CHIC2: variants seen among roughly 807,000 people sequenced by gnomAD.
CHIC2 encodes the protein cysteine-rich hydrophobic domain-containing protein 2.
In CHIC2, 14 loss-of-function variants were observed where a neutral mutation model predicts 25.9. The ratio of observed to expected loss-of-function variants is 0.54; its 90% confidence interval spans 0.36 to 0.85. CHIC2 has a LOEUF of 0.85. Among genes scored for constraint, CHIC2 ranks in the 40% least tolerant of loss-of-function variants. CHIC2 has a pLI of 0.01. For synonymous variants in CHIC2, 70 were observed against 72.0 expected, an observed-to-expected ratio of 0.97 and a Z score of 0.14; for missense variants, 146 against 202.0, an observed-to-expected ratio of 0.72 and a Z score of 1.68.
chr4:54,061,217 T>G (rs1256736346), intron 1 of CHIC2: 1 of 152,172 alleles, frequency 6.6e-6, no homozygotes, highest in Non-Finnish European at 1.5e-5. Flanking sequence ...AAAATCTGAT[T>G]ATGCCTAGAG....
In CHIC2 at chr4:54,022,973, G is replaced by A. The variant is rs184474018; in HGVS notation, c.331-8854C>T. Among the ~76,000 whole-genome samples the A allele has an allele frequency of 5.3e-5, 8 of 152,178 alleles. No individual in the cohort carries two copies. The East Asian group carries it at 1.5e-3, about 29-fold the overall frequency. On this transcript the variant is annotated intron_variant, in intron 3 of 5. Transcript: ENST00000263921. ...CTTAGCAACCAAATTGTCTTGCCTA[G>A]CCACCCTGTGGTGCCAAACCCATAT...
intron 3 of CHIC2, among the ~76,000 whole-genome samples, chr4:54,029,777 T>C (rs1052715556): frequency 8.5e-5 from 13 of 152,228 alleles, no homozygotes; most frequent in Non-Finnish European, 2.9e-5. Flanking sequence ...TAATTTTTAA[T>C]ACATCGGTAT....
rs779220467 is a variant in CHIC2 at position 54,010,157 on chromosome 4, G to T, written c.448-12C>A. 7 of 1,587,406 alleles carry T rather than the reference G, an allele frequency of 4.4e-6. No homozygotes were observed. Among genetic ancestry groups the T allele is most frequent in the Non-Finnish European group, 3.4e-6 (4 of 1,162,444 alleles). On this transcript the variant is annotated splice_polypyrimidine_tract_variant and intron_variant, in intron 5 of 5. Transcript: ENST00000263921. ...TCTATGAGGATGACCTGTAAAAGGAGAAGAAAAAGGTTTTAAAAGATTTAA... is the reference window on the plus strand; with the variant it reads ...TCTATGAGGATGACCTGTAAAAGGATAAGAAAAAGGTTTTAAAAGATTTAA...
chr4:54,026,564 T>G (rs1343476452), intron 3 of CHIC2, among the ~76,000 whole-genome samples: 1 of 152,134 alleles, frequency 6.6e-6, no homozygotes, highest in Non-Finnish European at 1.5e-5. Context: ...TTTACAGATA[T>G]GTTATGGATA....
intron 3 of CHIC2, among the ~76,000 whole-genome samples, chr4:54,045,645 T>C (rs1156280504): frequency 2.0e-5 from 3 of 151,980 alleles, no homozygotes; most frequent in Non-Finnish European, 4.4e-5. Flanking sequence ...TGATGGGACA[T>C]ATCTCAAAAT....
chr4:54,048,754 AATATAAT>A, intron 3 of CHIC2, 194 bp downstream of exon 3: 1 of 405,290 alleles, frequency 2.5e-6, no homozygotes, highest in Non-Finnish European at 4.3e-6. Flanking sequence ...TAAAATTATA[AATATAAT>A]TTTTAGATGG....
chr4:54,030,122 G>C (rs1173669308), intron 3 of CHIC2, among the ~76,000 whole-genome samples: 2 of 151,976 alleles, frequency 1.3e-5, no homozygotes, highest in African/African-American at 2.4e-5. Context: ...CTTTACATGA[G>C]AGAAATACAG....
At chr4:54,051,695 T>C (rs980412471) in intron 1 of CHIC2, among the ~76,000 whole-genome samples, 27 of 152,124 alleles carry the variant, frequency 1.8e-4, no homozygotes, top group Admixed American at 1.6e-3. Context: ...TACTTCTGAG[T>C]GCATCTCCTC....
chr4:54,060,646 C>T (rs1241695665), intron 1 of CHIC2: 1 of 152,056 alleles, frequency 6.6e-6, no homozygotes, highest in Admixed American at 6.6e-5. Context: ...TTAGAGTTAC[C>T]ACTGTGAAAA....
At chr4:54,044,678 A>T (rs1261521380) in intron 3 of CHIC2, among the ~76,000 whole-genome samples, 1 of 151,106 alleles carries the variant, frequency 6.6e-6, no homozygotes. Context: ...AGCACTAAAT[A>T]CCCACAAGAG....
At chr4:54,064,732 G>A, upstream of CHIC2, 1 of 869,824 alleles carries the variant, frequency 1.1e-6, no homozygotes, top group Non-Finnish European at 1.4e-6. The surrounding 1 kb of genome is among the most constrained non-coding windows in gnomAD (Gnocchi z 4.2). Context: ...CGGGCGGGCG[G>A]GCGCGCGCAC....
intron 3 of CHIC2, among the ~76,000 whole-genome samples, chr4:54,028,192 A>G (rs935011305): frequency 2.0e-5 from 3 of 152,210 alleles, no homozygotes; most frequent in African/African-American, 7.2e-5. Context: ...CAACTGGACA[A>G]ATTAGGTAAA....
chr4:54,084,974 A>AAAAAAAAAAAAAAAAAAAAAAAAAC, the CHIC2 span, among the ~76,000 whole-genome samples: 1 of 150,894 alleles, frequency 6.6e-6, no homozygotes, highest in Admixed American at 6.6e-5. Context: ...AAAAAAAAAA[A>AAAAAAAAAAAAAAAAAAAAAAAAAC]AAAAAAATCA....
intron 1 of CHIC2, among the ~76,000 whole-genome samples, chr4:54,057,419 G>C (rs1717210189): frequency 6.6e-6 from 1 of 152,128 alleles, no homozygotes; most frequent in Non-Finnish European, 1.5e-5. Flanking sequence ...CCTCAGGCAA[G>C]TCAAGCTTGT....
chr4:54,081,057 G>C, the CHIC2 span, among the ~76,000 whole-genome samples: 1 of 145,770 alleles, frequency 6.9e-6, no homozygotes, highest in African/African-American at 2.5e-5. Context: ...AATTTTATTT[G>C]ATTAATATCT....
intron 3 of CHIC2, among the ~76,000 whole-genome samples, chr4:54,024,030 A>T (rs1341954712): frequency 6.6e-6 from 1 of 152,208 alleles, no homozygotes; most frequent in Non-Finnish European, 1.5e-5. Context: ...CTGATAAGGT[A>T]GCTAAACAAG....
chr4:54,057,286 A>G (rs1202678627), intron 1 of CHIC2, among the ~76,000 whole-genome samples: 1 of 152,158 alleles, frequency 6.6e-6, no homozygotes, highest in African/African-American at 2.4e-5. Flanking sequence ...ATAACCTTCT[A>G]AATTTCATTC....
chr4:54,080,004 C>G, the CHIC2 span, among the ~76,000 whole-genome samples: 1 of 151,508 alleles, frequency 6.6e-6, no homozygotes, highest in Non-Finnish European at 1.5e-5. Context: ...GGTATGTAGT[C>G]AAACAAAATG....
chr4:54,057,056 C>T (rs1299910243), intron 1 of CHIC2, among the ~76,000 whole-genome samples: 1 of 152,114 alleles, frequency 6.6e-6, no homozygotes. Flanking sequence ...AGTTATTTAA[C>T]CTCAGCCTAC....
Sources: allele counts gnomAD v4.1 joint callset (sites outside exome capture counted in the v4.1 genomes callset), GRCh38; gene constraint gnomAD v4.1.1; non-coding constraint Gnocchi (gnomAD v3.1); transcripts MANE v1.5; gene names NCBI Gene and HGNC (gene_info 2026-07-23, HGNC 2026-07-21).